PTPRM: variants seen among roughly 807,000 people sequenced by gnomAD.
PTPRM encodes the protein protein tyrosine phosphatase receptor type M.
PTPRM carries 47 observed loss-of-function variants against 186.7 expected under a neutral mutation model. That is an observed-to-expected ratio of 0.25 (90% CI 0.20 to 0.32). The LOEUF (loss-of-function observed/expected upper bound fraction) is 0.32. Ranked by LOEUF, PTPRM falls within the 10% of genes least tolerant of loss-of-function variation. The pLI is 1.00. For missense variants in PTPRM, 1,494 were observed against 1,865.0 expected, an observed-to-expected ratio of 0.80 and a Z score of 3.66; for synonymous variants, 668 against 674.9, an observed-to-expected ratio of 0.99 and a Z score of 0.16.
At chr18:8,289,605 C>CATATATAT (rs2095017672) in intron 19 of PTPRM, among the ~76,000 whole-genome samples, 1 of 104,144 alleles carries the variant, frequency 9.6e-6, no homozygotes, top group African/African-American at 5.5e-5. Context: ...TATATATACA[C>CATATATAT]ACATATATAT....
intron 14 of PTPRM, among the ~76,000 whole-genome samples, chr18:8,243,841 ATTTTG>A (rs1454973017): frequency 6.6e-6 from 1 of 151,778 alleles, no homozygotes; most frequent in African/African-American, 2.4e-5. Context: ...GGGGTTTTTT[ATTTTG>A]TTTTGTTTTT....
intron 14 of PTPRM, among the ~76,000 whole-genome samples, chr18:8,211,216 A>G (rs2093999211): frequency 1.3e-5 from 2 of 151,990 alleles, no homozygotes; most frequent in South Asian, 2.1e-4. Flanking sequence ...CACAGGCAGG[A>G]ATAGAGAGAA....
chr18:8,266,626 T>C (rs1024697505), intron 19 of PTPRM, among the ~76,000 whole-genome samples: 2 of 152,176 alleles, frequency 1.3e-5, no homozygotes, highest in African/African-American at 4.8e-5. Context: ...TATAATCAAA[T>C]TGGCTGGATG....
chr18:7,656,403 C>T (rs183881046), intron 1 of PTPRM, among the ~76,000 whole-genome samples: 7 of 151,940 alleles, frequency 4.6e-5, no homozygotes, highest in East Asian at 1.9e-4. Context: ...TGTGGTTCCC[C>T]GGGGTGAGGG....
chr18:7,642,623 T>G (rs1399258925), intron 1 of PTPRM, among the ~76,000 whole-genome samples: 1 of 152,164 alleles, frequency 6.6e-6, no homozygotes, highest in Non-Finnish European at 1.5e-5. Flanking sequence ...TTATTTTCTT[T>G]TTGTTATTCC....
chr18:8,263,445 T>G (rs2094657914), intron 19 of PTPRM, among the ~76,000 whole-genome samples: 1 of 152,196 alleles, frequency 6.6e-6, no homozygotes, highest in Non-Finnish European at 1.5e-5. Flanking sequence ...TGCTTTACAT[T>G]TCTTATTTAA....
intron 1 of PTPRM, among the ~76,000 whole-genome samples, chr18:7,576,497 C>T (rs1355838817): frequency 6.6e-6 from 1 of 152,064 alleles, no homozygotes; most frequent in African/African-American, 2.4e-5. Context: ...CTCAAGGCGT[C>T]TTGCTCTGTC....
intron 24 of PTPRM, among the ~76,000 whole-genome samples, 185 bp downstream of exon 24, chr18:8,371,191 A>G (rs2095660751): frequency 6.6e-6 from 1 of 152,226 alleles, no homozygotes; most frequent in Admixed American, 6.5e-5. Context: ...TCTTTAAAAC[A>G]AATCATTCTC....
rs71165776 is a variant in PTPRM at position 8,238,651 on chromosome 18, G to GTTTTTTTTTTTTTTT, written c.2301-5388_2301-5374dup. 7.8e-5 allele frequency among the ~76,000 whole-genome samples: 2 copies of GTTTTTTTTTTTTTTT among 25,774 alleles called. 1 individual carries two copies. The highest frequency in any genetic ancestry group is 1.4e-4 in the Non-Finnish European group (2 of 14,738). The allele number at this position is 25,774 out of a possible 152,430, so 16.9% of individuals were successfully genotyped here. The stretch of plus-strand genomic sequence containing the variant: ...TCTGTCTCTTCACACTGTTTTGTGT[G>GTTTTTTTTTTTTTTT]TTTTTTTTTTTTTTTTTTTTTTTTT... On this transcript the variant is annotated intron_variant, in intron 14 of 32. Transcript: ENST00000580170.
intron 19 of PTPRM, among the ~76,000 whole-genome samples, chr18:8,264,390 T>C (rs754264263): frequency 1.1e-4 from 17 of 152,166 alleles, no homozygotes; most frequent in Admixed American, 1.1e-3. Context: ...GGGTGGACTT[T>C]CCATAAGTCT....
At chr18:8,072,237 T>G (rs887991758) in intron 8 of PTPRM, among the ~76,000 whole-genome samples, 3 of 152,174 alleles carry the variant, frequency 2.0e-5, no homozygotes, top group Non-Finnish European at 4.4e-5. Flanking sequence ...AATGGTTACA[T>G]CAATGAGAGA....
chr18:8,017,582 CAAAAA>C (rs71354586), intron 7 of PTPRM, among the ~76,000 whole-genome samples: 2 of 64,716 alleles, frequency 3.1e-5, no homozygotes, highest in African/African-American at 6.2e-5. Context: ...GACTCCTTCT[CAAAAA>C]AAAAAAAAAA....
intron 16 of PTPRM, 42 bp downstream of exon 16, chr18:8,247,961 G>A: frequency 6.7e-7 from 1 of 1,498,368 alleles, no homozygotes; most frequent in Non-Finnish European, 9.3e-7. Flanking sequence ...TCTCTCCTCA[G>A]CAGTCAGAAT....
rs145548743 is a variant in PTPRM at position 7,700,551 on chromosome 18, G to C, written c.74-73598G>C. ...GAATTTTTCCTCTAATTATTCTAGG[G>C]AAACCCTGGGCTAAGAAACCAATGT... On this transcript the variant is annotated intron_variant, in intron 1 of 32. Coordinates refer to ENST00000580170, the MANE Select transcript of PTPRM (RefSeq NM_001105244.2). 3.0e-3 allele frequency among the ~76,000 whole-genome samples: 457 copies of C among 152,332 alleles called. 1 individual carries two copies. The highest frequency in any genetic ancestry group is 0.017 in the Middle Eastern group (5 of 294).
intron 7 of PTPRM, among the ~76,000 whole-genome samples, chr18:8,046,520 TA>T (rs1013043994): frequency 4.6e-5 from 7 of 152,170 alleles, no homozygotes; most frequent in Non-Finnish European, 8.8e-5. Context: ...TTGATGTTTT[TA>T]AATCAGTTCC....
intron 1 of PTPRM, among the ~76,000 whole-genome samples, chr18:7,676,489 T>C (rs1203726892): frequency 6.6e-6 from 1 of 152,084 alleles, no homozygotes; most frequent in Non-Finnish European, 1.5e-5. Flanking sequence ...AAATCAATAA[T>C]AGTGATGTTT....
chr18:7,871,175 T>G (rs1462775924), intron 2 of PTPRM, among the ~76,000 whole-genome samples: 1 of 152,218 alleles, frequency 6.6e-6, no homozygotes, highest in Non-Finnish European at 1.5e-5. Flanking sequence ...AAATCACATC[T>G]TGATTTCAGC....
At chr18:8,283,319 GC>G (rs1310749252) in intron 19 of PTPRM, among the ~76,000 whole-genome samples, 1 of 152,132 alleles carries the variant, frequency 6.6e-6, no homozygotes, top group African/African-American at 2.4e-5. Flanking sequence ...AAAATAAAAA[GC>G]TTTTTAAAAT....
At chr18:7,791,059 A>G (rs2043318327) in intron 2 of PTPRM, among the ~76,000 whole-genome samples, 1 of 152,188 alleles carries the variant, frequency 6.6e-6, no homozygotes, top group Non-Finnish European at 1.5e-5. Flanking sequence ...TTGAAGACTC[A>G]TCTTACAAAT....
Sources: gnomAD v4.1 joint callset for allele counts (sites outside exome capture counted in the v4.1 genomes callset) on GRCh38, gnomAD v4.1.1 for gene constraint, MANE v1.5 for transcripts, NCBI Gene and HGNC (gene_info 2026-07-23, HGNC 2026-07-21) for gene names.